RYR2: variants seen among roughly 807,000 people sequenced by gnomAD.
RYR2 encodes ryanodine receptor 2, also known as cardiac muscle ryanodine receptor-calcium release channel.
RYR2 carries 227 observed loss-of-function variants against 601.1 expected under a neutral mutation model. That is an observed-to-expected ratio of 0.38 (90% CI 0.34 to 0.42). RYR2 has a LOEUF of 0.42. RYR2 is among the 10% of genes least tolerant of loss of function. The pLI, the probability that RYR2 is intolerant of heterozygous loss-of-function variation, is 1.00. For missense variants in RYR2, 4,646 were observed against 6,156.5 expected (o/e 0.75, Z 8.21); for synonymous variants, 2,223 against 2,175.1 (o/e 1.02, Z -0.61).
At chr1:237,618,382 A>T (rs1200959531) in intron 38 of RYR2, among the ~76,000 whole-genome samples, 2 of 152,304 alleles carry the variant, frequency 1.3e-5, no homozygotes, top group African/African-American at 2.4e-5. Flanking sequence ...CCTTTTAAGT[A>T]CAACTAAAAC....
At chr1:237,732,257 A>G (rs952878578) in intron 78 of RYR2, 108 bp downstream of exon 78, 1 of 611,240 alleles carries the variant, frequency 1.6e-6, no homozygotes. Flanking sequence ...TGTTGTTGTT[A>G]GGAGAGAGAA....
chr1:237,586,876 T>C (rs2618708), intron 29 of RYR2, among the ~76,000 whole-genome samples: 133,644 of 151,576 alleles, frequency 0.88, 61,304 homozygotes, highest in East Asian at 1. Context: ...CCCACCACCA[T>C]GCCCGGCTAA....
intron 86 of RYR2, among the ~76,000 whole-genome samples, chr1:237,772,872 A>T (rs909535703): frequency 2.6e-5 from 4 of 152,182 alleles, no homozygotes; most frequent in African/African-American, 9.6e-5. Flanking sequence ...AAATTGTCTG[A>T]AAACCCAAAT....
intron 1 of RYR2, among the ~76,000 whole-genome samples, chr1:237,130,991 C>T (rs1296611472): frequency 1.3e-5 from 2 of 152,080 alleles, no homozygotes; most frequent in Non-Finnish European, 2.9e-5. Flanking sequence ...GAGAAACTCT[C>T]CTGTCTCCAC....
intron 56 of RYR2, among the ~76,000 whole-genome samples, chr1:237,664,760 T>C (rs1684143814): frequency 6.6e-6 from 1 of 152,182 alleles, no homozygotes; most frequent in Admixed American, 6.5e-5. Flanking sequence ...TGCCATGGAT[T>C]CTAGCTTGTG....
chr1:237,833,398 G>A lies in RYR2; in HGVS notation c.*751G>A, dbSNP rs1025929701. 3 of 122,850 alleles carry A rather than the reference G, an allele frequency of 2.4e-5. No individual in the cohort carries two copies. The highest frequency in any genetic ancestry group is 9.8e-5 in the African/African-American group (3 of 30,758). 7.6% of individuals were successfully genotyped at this position (122,850 alleles called of 1,614,324 possible). On this transcript the variant is annotated 3_prime_UTR_variant, in exon 105 of 105. Coordinates refer to ENST00000366574, the MANE Select transcript of RYR2 (RefSeq NM_001035.3). Reference sequence around the variant, plus strand: ...CCCATATGCTCCTGCTATTATTTTGGTAATGCTCTGATGCAACATTGCAAC... The same window carrying A: ...CCCATATGCTCCTGCTATTATTTTGATAATGCTCTGATGCAACATTGCAAC...
intron 91 of RYR2, among the ~76,000 whole-genome samples, chr1:237,787,182 AAATT>A (rs753512129): frequency 2.6e-5 from 4 of 152,130 alleles, no homozygotes; most frequent in Non-Finnish European, 5.9e-5. Flanking sequence ...TTATTTAATA[AAATT>A]AATTACAATT....
chr1:237,487,201 C>T (rs1662774041), intron 17 of RYR2, among the ~76,000 whole-genome samples: 1 of 152,190 alleles, frequency 6.6e-6, no homozygotes, highest in South Asian at 2.1e-4. Context: ...ATGATTGTAA[C>T]TATTGATATT....
At chr1:237,671,592 A>G (rs1469069957) in intron 58 of RYR2, among the ~76,000 whole-genome samples, 1 of 151,942 alleles carries the variant, frequency 6.6e-6, no homozygotes, top group Non-Finnish European at 1.5e-5. Flanking sequence ...TAAAAGAATC[A>G]GGGCCAAAGC....
Position 237,607,428 on chromosome 1 carries a change from G to A in RYR2, c.4684-3334G>A, listed in dbSNP as rs1022288103. On this transcript the variant is annotated intron_variant, in intron 35 of 104. Coordinates refer to ENST00000366574, the MANE Select transcript of RYR2 (RefSeq NM_001035.3). Reference sequence around the variant, plus strand: ...ATCACACACCGGGGCCTGTTGTGGGGTTGGGGGAGGGAGGGAGGGATAGCA... The same window carrying A: ...ATCACACACCGGGGCCTGTTGTGGGATTGGGGGAGGGAGGGAGGGATAGCA... Among the ~76,000 whole-genome samples, 6 of 139,234 alleles carry A rather than the reference G, an allele frequency of 4.3e-5. 1 individual carries two copies. The highest frequency in any genetic ancestry group is 9.4e-5 in the Non-Finnish European group (6 of 63,660). The allele number at this position is 139,234 out of a possible 152,430, so 91.3% of individuals were successfully genotyped here.
intron 64 of RYR2, among the ~76,000 whole-genome samples, chr1:237,699,616 A>G (rs552226611): frequency 6.6e-6 from 1 of 152,306 alleles, no homozygotes; most frequent in African/African-American, 2.4e-5. Flanking sequence ...AATGTCTCCT[A>G]AAGAGAATAT....
intron 20 of RYR2, among the ~76,000 whole-genome samples, chr1:237,498,675 T>A (rs1156290457): frequency 6.6e-6 from 1 of 152,200 alleles, no homozygotes; most frequent in African/African-American, 2.4e-5. Context: ...AATTTGAAGC[T>A]TTTTCTTTCG....
chr1:237,566,790 T>C lies in RYR2; in HGVS notation c.3423+15T>C. On this transcript the variant is annotated intron_variant, in intron 28 of 104. Transcript: ENST00000366574. ...ATGGCTTCAAGGTGAGTGGACTTTG[T>C]CCTGTGCCAGTCATCTGTACGTGCT... 6.2e-7 allele frequency: 1 copy of C among 1,613,706 alleles called. No homozygotes were observed. The highest frequency in any genetic ancestry group is 8.5e-7 in the Non-Finnish European group (1 of 1,179,688).
intron 27 of RYR2, among the ~76,000 whole-genome samples, chr1:237,552,914 G>A (rs10925456): frequency 0.18 from 27,785 of 151,750 alleles, 2,859 homozygotes; most frequent in South Asian, 0.28. Context: ...ATATTTAGGA[G>A]TATAATTACC....
chr1:237,069,120 G>C (rs1255704445), intron 1 of RYR2, among the ~76,000 whole-genome samples: 1 of 152,108 alleles, frequency 6.6e-6, no homozygotes, highest in East Asian at 1.9e-4. Context: ...CTCTTCATTG[G>C]TTGTTCTGGA....
In RYR2 at chr1:237,356,004, T is replaced by C; in HGVS notation, c.294+19T>C. The C allele has an allele frequency of 6.2e-7, 1 of 1,604,814 alleles. No homozygotes were observed. Among genetic ancestry groups the C allele is most frequent in the Non-Finnish European group, 8.5e-7 (1 of 1,174,694 alleles). ...AAAATGGGTATGTGTTTCCATGTAT[T>C]TGCAAAGAAATTGTGATCTAAAAGT... On this transcript the variant is annotated intron_variant, in intron 4 of 104. Coordinates refer to ENST00000366574, the MANE Select transcript of RYR2 (RefSeq NM_001035.3).
intron 87 of RYR2, among the ~76,000 whole-genome samples, chr1:237,775,028 A>C (rs1447610816): frequency 6.8e-6 from 1 of 146,400 alleles, no homozygotes; most frequent in Non-Finnish European, 1.5e-5. Context: ...TGTTTAAAGG[A>C]TATTGGATAA....
chr1:237,735,063 A>G (rs544446261), intron 79 of RYR2, among the ~76,000 whole-genome samples: 1 of 152,322 alleles, frequency 6.6e-6, no homozygotes, highest in African/African-American at 2.4e-5. Context: ...GTGAGCTAAC[A>G]TAGGAGCTAG....
At chr1:237,323,079 A>T (rs1695790054) in intron 2 of RYR2, among the ~76,000 whole-genome samples, 1 of 152,176 alleles carries the variant, frequency 6.6e-6, no homozygotes, top group Non-Finnish European at 1.5e-5. Context: ...TTCTCAACCT[A>T]GAGCTCCACT....
Sources: allele counts gnomAD v4.1 joint callset (sites outside exome capture counted in the v4.1 genomes callset), GRCh38; gene constraint gnomAD v4.1.1; transcripts MANE v1.5; gene names NCBI Gene and HGNC (gene_info 2026-07-23, HGNC 2026-07-21).